The following ETNK2 variants were observed in gnomAD, a reference collection of about 807,000 sequenced individuals.
ETNK2 encodes ethanolamine kinase-like protein.
Under a neutral mutation model 46.2 loss-of-function variants are expected in ETNK2, and 33 were observed. The ratio of observed to expected loss-of-function variants is 0.71; its 90% confidence interval spans 0.54 to 0.96. ETNK2 has a LOEUF of 0.96. Ranked by LOEUF, ETNK2 falls within the 40% of genes least tolerant of loss-of-function variation. ETNK2 has a pLI of 0.00. For synonymous variants in ETNK2, 194 were observed against 209.0 expected (o/e 0.93, Z 0.62); for missense variants, 445 against 509.7 (o/e 0.87, Z 1.22).
rs1401743224 is a variant in ETNK2, at chr1:204,133,571, G to A, written c.1088+944C>T. ...TTTTGAGACGGAGTCTCGCTCTGTC[G>A]CCCAGGCTGGAGTGCAGTGGCGGGA... On this transcript the variant is annotated intron_variant, in intron 7 of 7. Coordinates refer to ENST00000367202, the MANE Select transcript of ETNK2 (RefSeq NM_018208.4). Among the ~76,000 whole-genome samples the A allele has an allele frequency of 4.1e-5, 6 of 145,376 alleles. No homozygotes were observed. The South Asian group carries it at 8.6e-4, about 21-fold the overall frequency.
chr1:204,149,705 GA>G lies in ETNK2; in HGVS notation c.515del (p.Phe172SerfsTer3). The G allele has an allele frequency of 6.3e-7, 1 of 1,581,982 alleles. No individual in the cohort carries two copies. The highest frequency in any genetic ancestry group is 8.6e-7 in the Non-Finnish European group (1 of 1,164,124). Reference protein sequence around the residue: ...EPEHIREPRLFRLIALEMAKI... With the variant: ...EPEHIREPRLXRLIALEMAKI... ...AGAGGCCCTGGCACCCTCCTCACCT[GA>G]AAAGCCGGGGCTCACGGATGTGCTC... On this transcript the variant is annotated frameshift_variant, in exon 2 of 8. Coordinates refer to ENST00000367202, the MANE Select transcript of ETNK2 (RefSeq NM_018208.4). LOFTEE classifies it high-confidence loss of function.
Position 204,131,849 on chromosome 1 carries a change from A to T in ETNK2, c.*335T>A. The T allele has an allele frequency of 3.0e-6, 1 of 330,144 alleles. No individual in the cohort carries two copies. The highest frequency in any genetic ancestry group is 5.8e-6 in the Non-Finnish European group (1 of 172,444). 20.5% of individuals were successfully genotyped at this position (330,144 alleles called of 1,614,324 possible). ...AGGCCAGGAAGGGGTAAACACACAT[A>T]TAAGGCAGCCCCAATTCCAGCAGGG... is the stretch of plus-strand genomic sequence containing the variant. On this transcript the variant is annotated 3_prime_UTR_variant, in exon 8 of 8. Transcript: ENST00000367202. This position sits in a 1 kb window ranked among gnomAD's most constrained non-coding sequence, Gnocchi z 4.3.
chr1:204,134,203 A>G (rs1338205427), intron 7 of ETNK2, among the ~76,000 whole-genome samples: 1 of 152,238 alleles, frequency 6.6e-6, no homozygotes, highest in African/African-American at 2.4e-5. Flanking sequence ...CAACGATCCC[A>G]TCCACCACCA....
intron 3 of ETNK2, among the ~76,000 whole-genome samples, chr1:204,146,002 G>A (rs1657765347): frequency 6.6e-6 from 1 of 152,176 alleles, no homozygotes. Context: ...ATCAGGGAAA[G>A]GCAATGTCAG....
intron 3 of ETNK2, chr1:204,141,925 G>A (rs935720370): frequency 1.9e-5 from 3 of 160,776 alleles, no homozygotes; most frequent in Admixed American, 1.2e-4. Flanking sequence ...AGCTCCCTAA[G>A]TCGAGCTGAC....
intron 3 of ETNK2, 189 bp from the exon 4 acceptor site, chr1:204,141,646 A>T: frequency 1.6e-6 from 1 of 610,332 alleles, no homozygotes; most frequent in Non-Finnish European, 2.8e-6. Context: ...TGTCCTTCTG[A>T]CTCCTCTGGT....
intron 2 of ETNK2, among the ~76,000 whole-genome samples, chr1:204,148,579 C>G (rs1436132354): frequency 8.6e-6 from 1 of 116,808 alleles, no homozygotes; most frequent in East Asian, 2.5e-4. Context: ...GACACACACA[C>G]ACACACACAC....
rs1232301124 is a variant in ETNK2 at position 204,134,393 on chromosome 1, G to T, written c.1088+122C>A. On this transcript the variant is annotated intron_variant, in intron 7 of 7. Coordinates refer to ENST00000367202, the MANE Select transcript of ETNK2 (RefSeq NM_018208.4). ...CCGCTGGAGATGAGCTGGAACGGGG[G>T]CGAGTCAGCAGAGCAGGGGAGCGGA... 7.3e-6 allele frequency: 8 copies of T among 1,092,512 alleles called. No individual in the cohort carries two copies. In the East Asian group the frequency reaches 2.1e-4, roughly 28 times the overall value. The allele number at this position is 1,092,512 out of a possible 1,614,324, so 67.7% of individuals were successfully genotyped here.
chr1:204,139,927 C>G, intron 5 of ETNK2, 108 bp downstream of exon 5: 2 of 859,422 alleles, frequency 2.3e-6, no homozygotes, highest in Non-Finnish European at 3.9e-6. Context: ...AATATGGTAC[C>G]TATTACCGTA....
chr1:204,149,314 C>T (rs936361536), intron 2 of ETNK2, among the ~76,000 whole-genome samples: 3 of 152,170 alleles, frequency 2.0e-5, no homozygotes, highest in Non-Finnish European at 2.9e-5. Flanking sequence ...CCTTGACAAA[C>T]AGAGACAGAG....
chr1:204,150,582 C>CGG (rs1657966455), intron 1 of ETNK2: 1 of 153,230 alleles, frequency 6.5e-6, no homozygotes, highest in Non-Finnish European at 1.5e-5. Context: ...ATGGAATTTA[C>CGG]GGGGCACAAT....
rs1477319727 is a variant in ETNK2, at chr1:204,151,720, G to T, written c.133C>A (p.Pro45Thr). The T allele has an allele frequency of 6.5e-7, 1 of 1,540,664 alleles. No homozygotes were observed. The highest frequency in any genetic ancestry group is 1.4e-5 in the African/African-American group (1 of 72,336). The change falls in exon 1 of 8, where the codon CCC (proline) becomes ACC (threonine). Residue 45 changes from proline to threonine, a missense_variant. Pro to Thr is a conservative substitution (Grantham distance 38). Transcript: ENST00000367202. This position sits in a 1 kb window ranked among gnomAD's most constrained non-coding sequence, Gnocchi z 8.0. ...TACGCGACGGCGGCGGCCCTCGGGG[G>T]GCCCGGCGGCTCCCGGCAGCTGGCG... ...ASASCREPPG[P>T]PRAAAVAYFG...
At chr1:204,149,646 T>G in intron 2 of ETNK2, 57 bp downstream of exon 2, 4 of 1,511,924 alleles carry the variant, frequency 2.6e-6, no homozygotes, top group Non-Finnish European at 3.6e-6. Flanking sequence ...ATGCCAAGGA[T>G]TTCCAAGCCC....
chr1:204,136,318 C>G (rs1253807906), intron 6 of ETNK2, among the ~76,000 whole-genome samples: 3 of 151,326 alleles, frequency 2.0e-5, no homozygotes, highest in African/African-American at 7.3e-5. Flanking sequence ...ATTGCTTGAG[C>G]CTGGGAGTTT....
At chr1:204,145,900 G>A (rs1404348907) in intron 3 of ETNK2, among the ~76,000 whole-genome samples, 1 of 152,146 alleles carries the variant, frequency 6.6e-6, no homozygotes, top group Admixed American at 6.5e-5. Context: ...TCGGCACTCA[G>A]GGTGTGTTGG....
chr1:204,133,511 A>ATCATT (rs1170794637), intron 7 of ETNK2, among the ~76,000 whole-genome samples: 4 of 143,392 alleles, frequency 2.8e-5, no homozygotes, highest in East Asian at 4.2e-4. Flanking sequence ...TTATTTTTTT[A>ATCATT]TCATTTCATT....
rs1033244137 is a variant in ETNK2, at chr1:204,149,924, G to A, written c.297C>T (p.Cys99=). ...AGTCCTGCATGTCCTCCTCCACATA[G>A]CAGGCCACCAGCTTGTTGGTGATGC... The part of the protein sequence containing the change: ...TDGITNKLVA[C]YVEEDMQDCV... The change falls in exon 2 of 8, where the codon TGC becomes TGT. Residue 99 remains cysteine, a synonymous_variant. Coordinates refer to ENST00000367202, the MANE Select transcript of ETNK2 (RefSeq NM_018208.4). 2.0e-6 allele frequency: 3 copies of A among 1,507,612 alleles called. No homozygotes were observed. In the Admixed American group the frequency reaches 6.0e-5, roughly 30 times the overall value. The allele number at this position is 1,507,612 out of a possible 1,614,324, so 93.4% of individuals were successfully genotyped here. A position where few individuals can be genotyped will look rare whatever the true frequency, so the allele number is the denominator to read the frequency against.
At chr1:204,134,641 G>GAC in intron 6 of ETNK2, 53 bp from the exon 7 acceptor site, 3 of 1,614,000 alleles carry the variant, frequency 1.9e-6, no homozygotes, top group Non-Finnish European at 2.5e-6. Flanking sequence ...GCCTGTTTCC[G>GAC]ACTCTACAGC....
intron 2 of ETNK2, 112 bp from the exon 3 acceptor site, chr1:204,146,876 G>C: frequency 7.2e-7 from 1 of 1,385,882 alleles, no homozygotes; most frequent in Non-Finnish European, 1.0e-6. Context: ...ACTTGCCAGA[G>C]GGCCAAGGAT....
Sources: allele counts gnomAD v4.1 joint callset (sites outside exome capture counted in the v4.1 genomes callset), GRCh38; gene constraint gnomAD v4.1.1; non-coding constraint Gnocchi (gnomAD v3.1); transcripts MANE v1.5; gene names NCBI Gene and HGNC (gene_info 2026-07-23, HGNC 2026-07-21).